The following MAPKAPK2 variants were observed in gnomAD, a reference collection of about 807,000 sequenced individuals.
MAPKAPK2 encodes the protein MAPK activated protein kinase 2, also known as MAP kinase-activated protein kinase 2.
A neutral mutation model predicts 48.8 loss-of-function variants in MAPKAPK2; 9 were observed. The observed-to-expected ratio is 0.18, with a 90% CI of 0.11 to 0.32. MAPKAPK2 has a LOEUF of 0.32. Among genes scored for constraint, MAPKAPK2 ranks in the 10% least tolerant of loss-of-function variants. MAPKAPK2 has a pLI of 1.00. For synonymous variants in MAPKAPK2, 202 were observed against 190.6 expected, an observed-to-expected ratio of 1.06 and a Z score of -0.49; for missense variants, 331 against 498.3, an observed-to-expected ratio of 0.66 and a Z score of 3.20.
At chr1:206,710,931 A>C (rs1320015696) in intron 1 of MAPKAPK2, among the ~76,000 whole-genome samples, 1 of 152,236 alleles carries the variant, frequency 6.6e-6, no homozygotes, top group African/African-American at 2.4e-5. Flanking sequence ...ATACACAATA[A>C]ATAGTTTTAC....
intron 1 of MAPKAPK2, among the ~76,000 whole-genome samples, chr1:206,722,900 T>A (rs1257891328): frequency 6.6e-6 from 1 of 151,810 alleles, no homozygotes; most frequent in Non-Finnish European, 1.5e-5. Context: ...GGAACCAGAG[T>A]GGGTGGCCCT....
rs1572520640 is a variant in MAPKAPK2 at position 206,733,027 on chromosome 1, C to A, written c.*309C>A. The A allele has an allele frequency of 3.2e-6, 1 of 315,518 alleles. No homozygotes were observed. The highest frequency in any genetic ancestry group is 6.5e-5 in the East Asian group (1 of 15,334). 19.5% of individuals were successfully genotyped at this position (315,518 alleles called of 1,614,324 possible). On this transcript the variant is annotated 3_prime_UTR_variant, in exon 10 of 10. Transcript: ENST00000367103. ...CTTTTGTTGTCCTTGCCCCACTCCT[C>A]TCCACCAGACGCCTTCCTCTCTGGA...
chr1:206,712,866 T>G (rs782079726), intron 1 of MAPKAPK2, among the ~76,000 whole-genome samples: 4 of 151,698 alleles, frequency 2.6e-5, no homozygotes, highest in Non-Finnish European at 5.9e-5. Context: ...CTCAGGAGGC[T>G]GAGGCACGAG....
intron 1 of MAPKAPK2, 116 bp from the exon 2 acceptor site, chr1:206,728,594 C>T (rs1350109453): frequency 8.4e-7 from 1 of 1,193,650 alleles, no homozygotes; most frequent in Non-Finnish European, 1.2e-6. Context: ...GTGGGGGGGG[C>T]CAGCAGGAGT....
At chr1:206,688,701 G>A (rs972812798) in intron 1 of MAPKAPK2, among the ~76,000 whole-genome samples, 1 of 152,046 alleles carries the variant, frequency 6.6e-6, no homozygotes, top group Non-Finnish European at 1.5e-5. Flanking sequence ...GCAGTAGCAC[G>A]ATCTTGGCTC....
intron 1 of MAPKAPK2, among the ~76,000 whole-genome samples, chr1:206,724,811 G>A (rs897257702): frequency 2.0e-5 from 3 of 152,082 alleles, no homozygotes; most frequent in Non-Finnish European, 4.4e-5. Flanking sequence ...GAAGAGGGGA[G>A]GGAGTAAACA....
rs1572517968 is a variant in MAPKAPK2 at position 206,731,207 on chromosome 1, C to T, written c.837C>T (p.Ile279=). 1 of 1,614,190 alleles carries T rather than the reference C, an allele frequency of 6.2e-7. No individual in the cohort carries two copies. Among genetic ancestry groups the T allele is most frequent in the Non-Finnish European group, 8.5e-7 (1 of 1,180,028 alleles). Residue 279 remains isoleucine, a synonymous_variant, in exon 7 of 10, where the codon ATC becomes ATT. Transcript: ENST00000367103. The surrounding 1 kb of genome is among the most constrained non-coding windows in gnomAD (Gnocchi z 5.9). ...TCTCTCCGGGCATGAAGACTCGCAT[C>T]CGAATGGGCCAGTATGAATTTCCCA... The part of the protein sequence containing the change: ...LAISPGMKTR[I]RMGQYEFPNP...
At chr1:206,690,250 C>A (rs1459779432) in intron 1 of MAPKAPK2, among the ~76,000 whole-genome samples, 2 of 152,200 alleles carry the variant, frequency 1.3e-5, no homozygotes, top group East Asian at 3.8e-4. Context: ...AGATCCTGTC[C>A]CTCCTGGCCG....
At chr1:206,713,004 A>ACT (rs1558581468) in intron 1 of MAPKAPK2, among the ~76,000 whole-genome samples, 1 of 151,238 alleles carries the variant, frequency 6.6e-6, no homozygotes, top group Non-Finnish European at 1.5e-5. Context: ...ACACACACAC[A>ACT]CTAATAGGTT....
At chr1:206,699,714 T>C (rs1452588920) in intron 1 of MAPKAPK2, among the ~76,000 whole-genome samples, 2 of 152,188 alleles carry the variant, frequency 1.3e-5, no homozygotes, top group Non-Finnish European at 2.9e-5. Context: ...GAGTTTAGCC[T>C]TCTAGGTGAA....
chr1:206,722,097 A>G (rs1276180222), intron 1 of MAPKAPK2, among the ~76,000 whole-genome samples: 2 of 150,862 alleles, frequency 1.3e-5, no homozygotes, highest in Non-Finnish European at 2.9e-5. Flanking sequence ...ACGGTGGCTC[A>G]TGCCTGTAAT....
intron 1 of MAPKAPK2, among the ~76,000 whole-genome samples, chr1:206,686,413 C>A (rs1259886373): frequency 2.0e-5 from 3 of 152,172 alleles, no homozygotes; most frequent in African/African-American, 7.2e-5. Flanking sequence ...GTGAGAATAT[C>A]GACTTCAGAA....
chr1:206,716,371 G>A (rs1384230453), intron 1 of MAPKAPK2, among the ~76,000 whole-genome samples: 2 of 151,592 alleles, frequency 1.3e-5, no homozygotes, highest in Non-Finnish European at 2.9e-5. Context: ...CTTCTCCCTG[G>A]CCATGTAGTC....
At chr1:206,707,724 A>G (rs1673010922) in intron 1 of MAPKAPK2, among the ~76,000 whole-genome samples, 1 of 152,166 alleles carries the variant, frequency 6.6e-6, no homozygotes. Flanking sequence ...GTTTGGGGGT[A>G]GGGCATGGGG....
chr1:206,696,172 A>G, intron 1 of MAPKAPK2: 1 of 1,567,896 alleles, frequency 6.4e-7, no homozygotes, highest in Non-Finnish European at 8.8e-7. Flanking sequence ...GGATGCAAAG[A>G]TATGGCAGAC....
At chr1:206,729,222 C>G in intron 3 of MAPKAPK2, 123 bp downstream of exon 3, 1 of 1,182,822 alleles carries the variant, frequency 8.5e-7, no homozygotes, top group Non-Finnish European at 1.3e-6. Flanking sequence ...CAGCATGCTG[C>G]AAGGGGTGCC....
intron 5 of MAPKAPK2, 44 bp from the exon 6 acceptor site, chr1:206,730,644 G>A: frequency 6.6e-7 from 1 of 1,522,952 alleles, no homozygotes; most frequent in Non-Finnish European, 9.1e-7. Context: ...GTGGATCACA[G>A]GGTTCTGAGG....
At chr1:206,702,338 T>TC (rs1157537837) in intron 1 of MAPKAPK2, among the ~76,000 whole-genome samples, 5 of 152,204 alleles carry the variant, frequency 3.3e-5, no homozygotes, top group African/African-American at 1.2e-4. Context: ...TCCCTGCCAC[T>TC]CCAAGTCATG....
At chr1:206,701,558 G>T (rs1672794541) in intron 1 of MAPKAPK2, among the ~76,000 whole-genome samples, 1 of 152,114 alleles carries the variant, frequency 6.6e-6, no homozygotes, top group Non-Finnish European at 1.5e-5. Flanking sequence ...GTAGGGCCAG[G>T]TGCAGTGGCT....
Sources: gnomAD v4.1 joint callset for allele counts (sites outside exome capture counted in the v4.1 genomes callset) on GRCh38, gnomAD v4.1.1 for gene constraint, Gnocchi (gnomAD v3.1) non-coding constraint, MANE v1.5 for transcripts, NCBI Gene and HGNC (gene_info 2026-07-23, HGNC 2026-07-21) for gene names.